The following CFAP100 variants were observed in gnomAD, a reference collection of about 807,000 sequenced individuals.
The protein encoded by CFAP100 is cilia- and flagella-associated protein 100.
Under a neutral mutation model 81.5 loss-of-function variants are expected in CFAP100, and 70 were observed. That is an observed-to-expected ratio of 0.86 (90% confidence interval 0.71 to 1.05). CFAP100 has a LOEUF of 1.05. CFAP100 is among the 50% of genes least tolerant of loss of function. The pLI is 0.00. For missense variants in CFAP100, 811 were observed against 776.5 expected, an observed-to-expected ratio of 1.04 and a Z score of -0.53; for synonymous variants, 341 against 314.8, an observed-to-expected ratio of 1.08 and a Z score of -0.88.
rs1164641989 is a variant in CFAP100, at chr3:126,424,850, G to A, written c.1286+1206G>A. Among the ~76,000 whole-genome samples the A allele has an allele frequency of 2.0e-5, 3 of 152,226 alleles. No individual in the cohort carries two copies. In the East Asian group the frequency reaches 5.8e-4, roughly 29 times the overall value. ...CAGGAGGTGTCAGGAAACTTCCTGA[G>A]GAGTGGGAGGAAAGCCATCCACACA... On this transcript the variant is annotated intron_variant, in intron 13 of 16. Transcript: ENST00000352312.
At chr3:126,418,043 G>A in intron 5 of CFAP100, 3 of 182,780 alleles carry the variant, frequency 1.6e-5, no homozygotes, top group Non-Finnish European at 3.4e-5. Flanking sequence ...TTGCTCGGGG[G>A]GCTTAGGTGC....
In CFAP100 at chr3:126,418,762, AG is replaced by A; in HGVS notation, c.640del (p.Ala214ProfsTer2). The A allele has an allele frequency of 6.3e-7, 1 of 1,591,480 alleles. No homozygotes were observed. Among genetic ancestry groups the A allele is most frequent in the Non-Finnish European group, 8.5e-7 (1 of 1,170,770 alleles). ...FVRENDCSSVQAMRAAEKETK... is the reference protein window; with the variant it reads ...FVRENDCSSVXAMRAAEKETK... ...AGGGAGAATGACTGCAGCTCCGTGCAGGCCATGAGAGCGTGAGCCTGCGGGC... is the reference window on the plus strand; with the variant it reads ...AGGGAGAATGACTGCAGCTCCGTGCAGCCATGAGAGCGTGAGCCTGCGGGC... On this transcript the variant is annotated frameshift_variant, in exon 7 of 17. Coordinates refer to ENST00000352312, the MANE Select transcript of CFAP100 (RefSeq NM_182628.3). LOFTEE classifies it high-confidence loss of function.
chr3:126,433,483 G>A, intron 14 of CFAP100: 1 of 384,932 alleles, frequency 2.6e-6, no homozygotes, highest in Admixed American at 4.1e-5. Flanking sequence ...AGGTGATCCT[G>A]AAGGGGGGGA....
intron 3 of CFAP100, among the ~76,000 whole-genome samples, chr3:126,413,599 C>G (rs2083190024): frequency 6.6e-6 from 1 of 152,242 alleles, no homozygotes. Flanking sequence ...GGCCTCTGGG[C>G]CCTCCCCAGG....
At chr3:126,416,135 G>A (rs1044648201) in intron 4 of CFAP100, among the ~76,000 whole-genome samples, 181 bp from the exon 5 acceptor site, 3 of 152,112 alleles carry the variant, frequency 2.0e-5, no homozygotes, top group Admixed American at 6.5e-5. Flanking sequence ...CGCCCTTCTC[G>A]GGGGCAAATG....
intron 2 of CFAP100, among the ~76,000 whole-genome samples, chr3:126,401,397 T>TTTTTTATATATA (rs869308239): frequency 1.3e-5 from 1 of 76,188 alleles, no homozygotes; most frequent in Non-Finnish European, 2.7e-5. Context: ...AAATCGTATT[T>TTTTTTATATATA]TATATATATA....
At chr3:126,406,764 G>A (rs1250430272) in intron 2 of CFAP100, among the ~76,000 whole-genome samples, 1 of 152,168 alleles carries the variant, frequency 6.6e-6, no homozygotes, top group South Asian at 2.1e-4. Flanking sequence ...GGTCTTAGGG[G>A]CCTCCATCCA....
intron 16 of CFAP100, 151 bp from the exon 17 acceptor site, chr3:126,436,140 C>G (rs951453687): frequency 1.7e-6 from 1 of 603,854 alleles, no homozygotes; most frequent in Non-Finnish European, 3.0e-6. Flanking sequence ...CCAGTTATTT[C>G]AGAGTTAACT....
chr3:126,435,100 C>T lies in CFAP100; in HGVS notation c.1629-459C>T, dbSNP rs1933391966. ...AAGCACAGGGGCTTCTCCTCTGGGT[C>T]CCTGGTACCCTGCTCAGAGTGGGCA... On this transcript the variant is annotated intron_variant, in intron 15 of 16. Coordinates refer to ENST00000352312, the MANE Select transcript of CFAP100 (RefSeq NM_182628.3). Among the ~76,000 whole-genome samples, 2 of 152,170 alleles carry T rather than the reference C, an allele frequency of 1.3e-5. 1 individual carries two copies. Among genetic ancestry groups the T allele is most frequent in the South Asian group, 4.1e-4 (2 of 4,830 alleles).
At position 126,419,617 on chromosome 3, in the gene CFAP100, C is replaced by T. The variant is rs755329791; in HGVS notation, c.732-20C>T. On this transcript the variant is annotated intron_variant, in intron 8 of 16. Coordinates refer to ENST00000352312, the MANE Select transcript of CFAP100 (RefSeq NM_182628.3). ...AGGCTGACCTCCTCCTTCCCACATCCTCACCCCGCCCCGGTGTAGTGAGAT... is the reference window on the plus strand; with the variant it reads ...AGGCTGACCTCCTCCTTCCCACATCTTCACCCCGCCCCGGTGTAGTGAGAT... 8 of 1,609,112 alleles carry T rather than the reference C, an allele frequency of 5.0e-6. No individual in the cohort carries two copies. The Admixed American group carries it at 5.0e-5, about 10-fold the overall frequency.
At position 126,423,409 on chromosome 3, in the gene CFAP100, A is replaced by G. The variant is rs759581541; in HGVS notation, c.1134+33A>G. The G allele has an allele frequency of 3.1e-6, 5 of 1,610,160 alleles. No individual in the cohort carries two copies. The Admixed American group carries it at 8.4e-5, about 27-fold the overall frequency. ...GCCCAGTGCTGGGCTGGAATTCGGA[A>G]GTCGCCCCTCTCTTTCCCTGCCCCC... On this transcript the variant is annotated intron_variant, in intron 12 of 16. Transcript: ENST00000352312.
rs80336295 is a variant in CFAP100 at position 126,436,173 on chromosome 3, G to A, written c.1723-118G>A. 6,805 of 697,486 alleles carry A rather than the reference G, an allele frequency of 9.8e-3. 265 individuals carry two copies. The highest frequency in any genetic ancestry group is 0.096 in the African/African-American group (5,392 of 56,272). The allele number at this position is 697,486 out of a possible 1,614,324, so 43.2% of individuals were successfully genotyped here. A position where few individuals can be genotyped will look rare whatever the true frequency, so the allele number is the denominator to read the frequency against. The stretch of plus-strand genomic sequence containing the variant: ...ACTCCAGCCCTCAGCCTGCAGGGCT[G>A]ACCAGAGTGGCCTGGAGGTGACTGG... On this transcript the variant is annotated intron_variant, in intron 16 of 16. Coordinates refer to ENST00000352312, the MANE Select transcript of CFAP100 (RefSeq NM_182628.3).
rs776964539 is a variant in CFAP100 at position 126,418,643 on chromosome 3, G to T, written c.519G>T (p.Gln173His). 2 of 1,594,024 alleles carry T rather than the reference G, an allele frequency of 1.3e-6. No homozygotes were observed. The highest frequency in any genetic ancestry group is 1.7e-6 in the Non-Finnish European group (2 of 1,171,112). The change falls in exon 7 of 17, where the codon CAG (glutamine) becomes CAT (histidine). Residue 173 changes from glutamine (Q) to histidine (H), a missense_variant. By Grantham distance (24) the Gln-to-His change is conservative. Transcript: ENST00000352312. ...TGGATGTCAAGCGGAGAGAGATCCA[G>T]CGGCTGGAGACGCTGGCGACCAAAG... ...YALDVKRREI[Q>H]RLETLATKEE...
chr3:126,423,663 C>A lies in CFAP100; in HGVS notation c.1286+19C>A, dbSNP rs1269484014. ...TCCGCATGTAGGTGCTATGCGGTGG[C>A]CAGTGGGGGCTCCCTGCCGCTCTCA... On this transcript the variant is annotated intron_variant, in intron 13 of 16. Coordinates refer to ENST00000352312, the MANE Select transcript of CFAP100 (RefSeq NM_182628.3). 6.2e-6 allele frequency: 10 copies of A among 1,613,406 alleles called. No individual in the cohort carries two copies. The highest frequency in any genetic ancestry group is 8.5e-6 in the Non-Finnish European group (10 of 1,179,496).
rs2083296798 is a variant in CFAP100, at chr3:126,419,664, G to A, written c.759G>A (p.Leu253=). The change falls in exon 9 of 17, where the codon CTG becomes CTA. Residue 253 remains leucine (L), a synonymous_variant. Coordinates refer to ENST00000352312, the MANE Select transcript of CFAP100 (RefSeq NM_182628.3). ...AGATCTCCAGATTTGAAGACACTCT[G>A]AAGCATTACAAGGTCTATAAGGATT... is the stretch of plus-strand genomic sequence containing the variant. ...KSEISRFEDT[L]KHYKVYKDFL... The A allele has an allele frequency of 5.6e-6, 9 of 1,613,962 alleles. No homozygotes were observed. Among genetic ancestry groups the A allele is most frequent in the Non-Finnish European group, 7.6e-6 (9 of 1,180,006 alleles).
At chr3:126,415,342 G>C (rs1335135278) in intron 4 of CFAP100, among the ~76,000 whole-genome samples, 1 of 144,306 alleles carries the variant, frequency 6.9e-6, no homozygotes, top group African/African-American at 2.6e-5. Context: ...ACCCAGCAGG[G>C]TCTCCCACTC....
intron 11 of CFAP100, 121 bp from the exon 12 acceptor site, chr3:126,423,203 TG>T (rs1437084141): frequency 1.6e-5 from 12 of 747,502 alleles, no homozygotes; most frequent in Admixed American, 5.8e-5. Context: ...GGGTAACTTG[TG>T]GGCAGCTGGG....
chr3:126,404,432 G>T (rs981872678), intron 2 of CFAP100, among the ~76,000 whole-genome samples: 2 of 152,198 alleles, frequency 1.3e-5, no homozygotes, highest in Admixed American at 1.3e-4. Context: ...CAGAATTTCA[G>T]CATCCTTCTA....
intron 16 of CFAP100, 111 bp from the exon 17 acceptor site, chr3:126,436,180 G>A: frequency 4.1e-6 from 3 of 724,292 alleles, no homozygotes; most frequent in Non-Finnish European, 7.2e-6. Flanking sequence ...GCTGACCAGA[G>A]TGGCCTGGAG....
Sources: gnomAD v4.1 joint callset for allele counts (sites outside exome capture counted in the v4.1 genomes callset) on GRCh38, gnomAD v4.1.1 for gene constraint, MANE v1.5 for transcripts, NCBI Gene and HGNC (gene_info 2026-07-23, HGNC 2026-07-21) for gene names.